Variants in EMID1 observed in about 807,000 individuals in gnomAD.
EMID1 encodes the protein EMI domain-containing protein 1.
EMID1 carries 40 observed loss-of-function variants against 60.6 expected under a neutral mutation model. The ratio of observed to expected loss-of-function variants is 0.66; its 90% CI spans 0.51 to 0.86. The LOEUF (loss-of-function observed/expected upper bound fraction) is 0.86. EMID1 is among the 40% of genes least tolerant of loss of function. The probability of loss-of-function intolerance (pLI) is 0.00; values close to 1 mark genes in which losing one functional copy is unlikely to be tolerated. For missense variants in EMID1, 585 were observed against 597.1 expected (o/e 0.98, Z 0.21); for synonymous variants, 242 against 231.0 (o/e 1.05, Z -0.43).
intron 12 of EMID1, among the ~76,000 whole-genome samples, chr22:29,234,708 C>T (rs1012244808): frequency 6.6e-6 from 1 of 152,164 alleles, no homozygotes; most frequent in African/African-American, 2.4e-5. Flanking sequence ...GGTGCATTCA[C>T]ATTTAGTATT....
intron 6 of EMID1, 59 bp downstream of exon 6, chr22:29,231,199 G>A (rs2040728591): frequency 1.3e-6 from 2 of 1,533,470 alleles, no homozygotes; most frequent in Admixed American, 2.1e-5. Context: ...AATCGGGGAA[G>A]TGGGATTCTG....
intron 14 of EMID1, 152 bp from the exon 15 acceptor site, chr22:29,258,665 A>G: frequency 7.9e-7 from 1 of 1,265,492 alleles, no homozygotes; most frequent in Non-Finnish European, 1.1e-6. Context: ...CAATCTGCAG[A>G]CCCCCTTTCC....
chr22:29,206,571 A>G, intron 1 of EMID1, among the ~76,000 whole-genome samples: 1 of 151,902 alleles, frequency 6.6e-6, no homozygotes, highest in East Asian at 1.9e-4. Flanking sequence ...CAGGCTATTT[A>G]TCTCCCTCGG....
rs573883037 is a variant in EMID1 at position 29,206,556 on chromosome 22, G to C, written c.101+417G>C. 1.6e-4 allele frequency among the ~76,000 whole-genome samples: 24 copies of C among 152,100 alleles called. No individual in the cohort carries two copies. The South Asian group carries it at 4.8e-3, about 30-fold the overall frequency. ...GTTTTGTTTTTTGTTTGTTTGTTTT[G>C]TACCCAGGCTATTTATCTCCCTCGG... On this transcript the variant is annotated intron_variant, in intron 1 of 14. Transcript: ENST00000334018.
intron 12 of EMID1, among the ~76,000 whole-genome samples, chr22:29,235,280 A>G (rs1238174263): frequency 6.6e-6 from 1 of 150,482 alleles, no homozygotes; most frequent in Non-Finnish European, 1.5e-5. Context: ...CCCAGGAGGC[A>G]GAGGTTGCAG....
intron 13 of EMID1, among the ~76,000 whole-genome samples, chr22:29,253,512 G>T (rs1407850739): frequency 6.6e-6 from 1 of 152,176 alleles, no homozygotes; most frequent in Admixed American, 6.5e-5. Context: ...AACCTGGGAG[G>T]TGGAGGTTGC....
intron 3 of EMID1, among the ~76,000 whole-genome samples, chr22:29,219,953 C>A (rs2040230461): frequency 6.6e-6 from 1 of 152,120 alleles, no homozygotes; most frequent in Admixed American, 6.5e-5. Context: ...TTTGCAGATT[C>A]AGAATCCGAG....
intron 14 of EMID1, 59 bp downstream of exon 14, chr22:29,254,346 A>G: frequency 1.3e-6 from 2 of 1,530,110 alleles, no homozygotes; most frequent in Non-Finnish European, 1.8e-6. Context: ...GCCTTCCCCA[A>G]GCCCTCCTGG....
chr22:29,230,957 A>G (rs1440580347), intron 5 of EMID1, 63 bp from the exon 6 acceptor site: 3 of 1,551,570 alleles, frequency 1.9e-6, no homozygotes, highest in Non-Finnish European at 2.6e-6. Flanking sequence ...TCCATCTCAA[A>G]AAAAATAGGG....
At chr22:29,225,276 C>G in intron 4 of EMID1, 60 bp downstream of exon 4, 4 of 1,578,358 alleles carry the variant, frequency 2.5e-6, no homozygotes, top group Non-Finnish European at 3.5e-6. Flanking sequence ...GGAGGGGGCT[C>G]AGGGCAGTTT....
chr22:29,227,408 TA>T (rs998480022), intron 5 of EMID1, among the ~76,000 whole-genome samples: 10 of 151,548 alleles, frequency 6.6e-5, no homozygotes, highest in African/African-American at 2.2e-4. Context: ...TTTTTTTTTT[TA>T]AATTAAAAAG....
intron 5 of EMID1, among the ~76,000 whole-genome samples, chr22:29,230,090 T>A (rs541187590): frequency 2.6e-5 from 4 of 152,198 alleles, no homozygotes; most frequent in African/African-American, 4.8e-5. Flanking sequence ...CCCAACACTT[T>A]GGGAGGCTGA....
chr22:29,242,942 T>G (rs1047491274), intron 12 of EMID1, among the ~76,000 whole-genome samples: 6 of 152,202 alleles, frequency 3.9e-5, no homozygotes, highest in Non-Finnish European at 5.9e-5. Flanking sequence ...CTGTTGGTTC[T>G]CCCCCTCTGG....
chr22:29,219,405 C>T (rs1370790486), intron 3 of EMID1, among the ~76,000 whole-genome samples: 1 of 152,214 alleles, frequency 6.6e-6, no homozygotes, highest in African/African-American at 2.4e-5. Context: ...TATTCCTTCC[C>T]TGTCCATGGT....
intron 14 of EMID1, among the ~76,000 whole-genome samples, chr22:29,258,015 C>T (rs909798): frequency 0.64 from 96,839 of 152,022 alleles, 31,216 homozygotes; most frequent in Admixed American, 0.69. Flanking sequence ...GTCATGATTA[C>T]GACGGACAGC....
chr22:29,257,799 GC>G (rs747722515), intron 14 of EMID1, among the ~76,000 whole-genome samples: 11 of 152,216 alleles, frequency 7.2e-5, no homozygotes, highest in Non-Finnish European at 1.6e-4. Flanking sequence ...TCTATGACTT[GC>G]CCAAGGCCAC....
chr22:29,246,913 A>G (rs1253124708), intron 13 of EMID1, among the ~76,000 whole-genome samples: 1 of 152,098 alleles, frequency 6.6e-6, no homozygotes, highest in Non-Finnish European at 1.5e-5. Context: ...TCAGCCTCCC[A>G]AGGTGTTGGG....
At chr22:29,216,718 G>A (rs2040096672) in intron 3 of EMID1, 1 of 949,200 alleles carries the variant, frequency 1.1e-6, no homozygotes. Context: ...GAGGCCCAGT[G>A]AGGTGGAGTG....
At chr22:29,227,816 C>A (rs2040580294) in intron 5 of EMID1, among the ~76,000 whole-genome samples, 1 of 151,390 alleles carries the variant, frequency 6.6e-6, no homozygotes, top group African/African-American at 2.4e-5. Flanking sequence ...GAGTTCAAGA[C>A]CAGCCTGGCT....
Sources: gnomAD v4.1 joint callset for allele counts (sites outside exome capture counted in the v4.1 genomes callset) on GRCh38, gnomAD v4.1.1 for gene constraint, MANE v1.5 for transcripts, NCBI Gene and HGNC (gene_info 2026-07-23, HGNC 2026-07-21) for gene names.